ADAMTS17: variants seen among roughly 807,000 people sequenced by gnomAD.
The protein encoded by ADAMTS17 is ADAM metallopeptidase with thrombospondin type 1 motif 17.
In ADAMTS17, 113 loss-of-function variants were observed where a neutral mutation model predicts 141.5. The observed-to-expected ratio is 0.80, with a 90% CI of 0.69 to 0.93. The LOEUF (loss-of-function observed/expected upper bound fraction) is 0.93, where lower values mean the gene tolerates loss of function less well. Among genes scored for constraint, ADAMTS17 ranks in the 40% least tolerant of loss-of-function variants. The probability of loss-of-function intolerance (pLI) is 0.00; values close to 1 mark genes in which losing one functional copy is unlikely to be tolerated. For synonymous variants in ADAMTS17, 768 were observed against 630.6 expected (o/e 1.22, Z -3.27); for missense variants, 1,659 against 1,517.9 (o/e 1.09, Z -1.54).
At chr15:100,087,975 G>A (rs980783463) in intron 15 of ADAMTS17, among the ~76,000 whole-genome samples, 2 of 152,202 alleles carry the variant, frequency 1.3e-5, no homozygotes, top group African/African-American at 4.8e-5. Context: ...CACAATGTTT[G>A]AAGTTCTGGC....
chr15:100,155,340 G>GA lies in ADAMTS17; in HGVS notation c.1182-21dup. 6.2e-7 allele frequency: 1 copy of GA among 1,610,644 alleles called. No homozygotes were observed. ...CCCAAGCTGTCCAAGAAGGAGGAGA[G>GA]AGGGATGCTTATGCTACAAGCTTCT... On this transcript the variant is annotated intron_variant, in intron 8 of 21. Transcript: ENST00000268070.
In ADAMTS17 at chr15:100,166,590, C is replaced by A. The variant is rs866502497; in HGVS notation, c.1182-11270G>T. On this transcript the variant is annotated intron_variant, in intron 8 of 21. Coordinates refer to ENST00000268070, the MANE Select transcript of ADAMTS17 (RefSeq NM_139057.4). Reference sequence around the variant, plus strand: ...ATAATCATTTGTAAAGCCTTCCTTGCTGCTACAGTGCAATAGTCCAAGGAG... The same window carrying A: ...ATAATCATTTGTAAAGCCTTCCTTGATGCTACAGTGCAATAGTCCAAGGAG... Among the ~76,000 whole-genome samples the A allele has an allele frequency of 3.3e-5, 5 of 152,152 alleles. No homozygotes were observed. In the South Asian group the frequency reaches 6.2e-4, roughly 19 times the overall value.
In ADAMTS17 at chr15:99,973,514, A is replaced by G. The variant is rs1443517250; in HGVS notation, c.*888T>C. 3 of 152,264 alleles carry G rather than the reference A, an allele frequency of 2.0e-5. No homozygotes were observed. Among genetic ancestry groups the G allele is most frequent in the African/African-American group, 7.2e-5 (3 of 41,448 alleles). The allele number at this position is 152,264 out of a possible 1,614,324, so 9.4% of individuals were successfully genotyped here. A position where few individuals can be genotyped will look rare whatever the true frequency, so the allele number is the denominator to read the frequency against. On this transcript the variant is annotated 3_prime_UTR_variant, in exon 22 of 22. Transcript: ENST00000268070. ...CTTTAGGAAGTGCAGGCCAGAGTGG[A>G]TGTTCCCGGAAGGCGGGGCAGGTGC...
rs141025721 is a variant in ADAMTS17, at chr15:100,065,097, T to C, written c.2138-11043A>G. The stretch of plus-strand genomic sequence containing the variant: ...CAATAAAATGGATTTATTTTTATAA[T>C]AAAAATAGTATACAAAAGTTCAAAC... On this transcript the variant is annotated intron_variant, in intron 15 of 21. Coordinates refer to ENST00000268070, the MANE Select transcript of ADAMTS17 (RefSeq NM_139057.4). Among the ~76,000 whole-genome samples the C allele has an allele frequency of 5.9e-5, 9 of 152,254 alleles. No homozygotes were observed. In the East Asian group the frequency reaches 1.7e-3, roughly 29 times the overall value.
intron 4 of ADAMTS17, among the ~76,000 whole-genome samples, chr15:100,277,455 T>C (rs373475131): frequency 2.0e-5 from 3 of 152,084 alleles, no homozygotes; most frequent in Non-Finnish European, 1.5e-5. Context: ...AATATCAAAG[T>C]CGAAGCTCTG....
intron 10 of ADAMTS17, among the ~76,000 whole-genome samples, chr15:100,151,653 C>A (rs2039170591): frequency 6.6e-6 from 1 of 152,178 alleles, no homozygotes. Context: ...TGGCTGGTTC[C>A]CCTACTTCTG....
intron 10 of ADAMTS17, among the ~76,000 whole-genome samples, chr15:100,142,680 C>T (rs2038714751): frequency 6.6e-6 from 1 of 152,114 alleles, no homozygotes; most frequent in South Asian, 2.1e-4. Context: ...CAGAATGGGG[C>T]CCTGGGCAGC....
chr15:100,314,944 G>A (rs1242407217), intron 3 of ADAMTS17, among the ~76,000 whole-genome samples: 2 of 152,238 alleles, frequency 1.3e-5, no homozygotes, highest in African/African-American at 2.4e-5. Context: ...CGTCCCTGGA[G>A]AGTGCATTTT....
chr15:99,994,846 G>A (rs2060767242), intron 19 of ADAMTS17, among the ~76,000 whole-genome samples: 1 of 152,252 alleles, frequency 6.6e-6, no homozygotes, highest in Admixed American at 6.5e-5. Context: ...TTACAGGTGC[G>A]AGCCATTGCG....
chr15:100,008,630 G>A (rs56144647), intron 18 of ADAMTS17, among the ~76,000 whole-genome samples: 14,958 of 152,250 alleles, frequency 0.098, 783 homozygotes, highest in Middle Eastern at 0.17. Flanking sequence ...ATCCTGACAA[G>A]GAGCCCAGCC....
intron 21 of ADAMTS17, among the ~76,000 whole-genome samples, chr15:99,974,837 C>T (rs182833873): frequency 2.6e-4 from 39 of 152,344 alleles, no homozygotes; most frequent in East Asian, 2.5e-3. Flanking sequence ...ACCTTGCTTC[C>T]GAGCTAAGTG....
chr15:100,018,426 G>A (rs2061335163), intron 18 of ADAMTS17, among the ~76,000 whole-genome samples: 1 of 152,224 alleles, frequency 6.6e-6, no homozygotes, highest in African/African-American at 2.4e-5. Context: ...TGTTGGAGGA[G>A]GGGCCTGGTG....
chr15:100,216,491 A>G (rs1321275592), intron 7 of ADAMTS17, among the ~76,000 whole-genome samples: 1 of 152,196 alleles, frequency 6.6e-6, no homozygotes, highest in Non-Finnish European at 1.5e-5. Flanking sequence ...CACTCTCTTT[A>G]TCTGCGCTGG....
intron 10 of ADAMTS17, among the ~76,000 whole-genome samples, chr15:100,151,348 C>T (rs1380656478): frequency 6.6e-6 from 1 of 152,204 alleles, no homozygotes; most frequent in Non-Finnish European, 1.5e-5. Flanking sequence ...GCAGGCAATG[C>T]TCCAACTGCA....
intron 4 of ADAMTS17, among the ~76,000 whole-genome samples, chr15:100,277,127 T>C (rs539917781): frequency 6.6e-6 from 1 of 152,194 alleles, no homozygotes; most frequent in African/African-American, 2.4e-5. Flanking sequence ...CTCAGAGTCA[T>C]CGCACCCAGC....
At chr15:100,153,326 G>A (rs75719870) in intron 9 of ADAMTS17, among the ~76,000 whole-genome samples, 4,061 of 152,234 alleles carry the variant, frequency 0.027, 85 homozygotes, top group East Asian at 0.06. Context: ...TTCATTCACA[G>A]TGAGAGGCGC....
intron 20 of ADAMTS17, among the ~76,000 whole-genome samples, chr15:99,986,369 G>A (rs779856122): frequency 1.3e-5 from 2 of 152,202 alleles, no homozygotes; most frequent in Non-Finnish European, 2.9e-5. Context: ...AAATACACAT[G>A]AACTTGACCT....
chr15:99,999,313 C>A lies in ADAMTS17; in HGVS notation c.2592-1724G>T, dbSNP rs759867727. 3.9e-5 allele frequency among the ~76,000 whole-genome samples: 6 copies of A among 152,206 alleles called. No homozygotes were observed. The East Asian group carries it at 5.8e-4, about 15-fold the overall frequency. The stretch of plus-strand genomic sequence containing the variant: ...GATTAGAGACCGTAACACACAGTCA[C>A]AAGTGCTCTAGAGACAAGTCAAGCA... On this transcript the variant is annotated intron_variant, in intron 18 of 21. Coordinates refer to ENST00000268070, the MANE Select transcript of ADAMTS17 (RefSeq NM_139057.4).
intron 3 of ADAMTS17, among the ~76,000 whole-genome samples, chr15:100,299,233 C>T (rs2044935954): frequency 6.6e-6 from 1 of 152,016 alleles, no homozygotes; most frequent in Non-Finnish European, 1.5e-5. Context: ...AGATACTCAT[C>T]TTCCCTGCCT....
Sources: gnomAD v4.1 joint callset for allele counts (sites outside exome capture counted in the v4.1 genomes callset) on GRCh38, gnomAD v4.1.1 for gene constraint, MANE v1.5 for transcripts, NCBI Gene and HGNC (gene_info 2026-07-23, HGNC 2026-07-21) for gene names.